Variants in LMNTD1 observed in about 807,000 individuals in gnomAD.
The protein encoded by LMNTD1 is lamin tail domain-containing protein 1.
LMNTD1 carries 35 observed loss-of-function variants against 50.9 expected under a neutral mutation model. The observed-to-expected ratio is 0.69, with a 90% CI of 0.53 to 0.91. The LOEUF (loss-of-function observed/expected upper bound fraction) is 0.91. LMNTD1 is among the 40% of genes least tolerant of loss of function. LMNTD1 has a pLI of 0.00. For synonymous variants in LMNTD1, 153 were observed against 161.9 expected (o/e 0.94, Z 0.42); for missense variants, 470 against 475.5 (o/e 0.99, Z 0.11).
At chr12:25,510,840 T>C (rs1345210542) in intron 8 of LMNTD1, among the ~76,000 whole-genome samples, 4 of 152,178 alleles carry the variant, frequency 2.6e-5, no homozygotes, top group Non-Finnish European at 5.9e-5. Flanking sequence ...GTACTGAGTT[T>C]GGTGCAAGTG....
intron 9 of LMNTD1, among the ~76,000 whole-genome samples, chr12:25,491,950 T>C (rs1938897000): frequency 6.6e-6 from 1 of 152,208 alleles, no homozygotes; most frequent in Non-Finnish European, 1.5e-5. Flanking sequence ...AATAAGGTGC[T>C]AATTGAGGCA....
At chr12:25,579,818 A>C (rs1945200913) in intron 1 of LMNTD1, among the ~76,000 whole-genome samples, 1 of 151,968 alleles carries the variant, frequency 6.6e-6, no homozygotes, top group South Asian at 2.1e-4. Context: ...TTCTCTTTTC[A>C]ACAATACCGG....
At chr12:25,508,882 T>A (rs1940031831) in intron 8 of LMNTD1, among the ~76,000 whole-genome samples, 1 of 148,368 alleles carries the variant, frequency 6.7e-6, no homozygotes, top group Non-Finnish European at 1.5e-5. Context: ...AAATTCTTTC[T>A]AGTCCTAATA....
At chr12:25,641,847 A>AT (rs1391433832) in intron 1 of LMNTD1, among the ~76,000 whole-genome samples, 6 of 151,676 alleles carry the variant, frequency 4.0e-5, no homozygotes, top group East Asian at 1.9e-4. Flanking sequence ...TCCCATCCTA[A>AT]TTTTTTTTCA....
intron 1 of LMNTD1, among the ~76,000 whole-genome samples, chr12:25,647,535 A>T (rs917973962): frequency 2.1e-4 from 32 of 152,184 alleles, no homozygotes; most frequent in Admixed American, 2.0e-3. Flanking sequence ...AAATTTCTAT[A>T]ATCCAGCACA....
chr12:25,648,201 T>C (rs2136642447), intron 1 of LMNTD1, among the ~76,000 whole-genome samples: 1 of 152,350 alleles, frequency 6.6e-6, no homozygotes, highest in East Asian at 1.9e-4. Flanking sequence ...TTCTTGTTTA[T>C]TCTATACATA....
chr12:25,558,185 T>C (rs1191543124), upstream of LMNTD1, among the ~76,000 whole-genome samples: 1 of 152,248 alleles, frequency 6.6e-6, no homozygotes, highest in Non-Finnish European at 1.5e-5. Context: ...ATTCTTAGTC[T>C]GGCTAAAGGT....
Position 25,553,195 on chromosome 12 carries a change from A to G in LMNTD1, c.-157T>C. ...TAGCCAATCCTGATCTTGGCTAAGGATGTCGGACAAACCATGGTGCAGGTG... is the reference window on the plus strand; with the variant it reads ...TAGCCAATCCTGATCTTGGCTAAGGGTGTCGGACAAACCATGGTGCAGGTG... On this transcript the variant is annotated 5_prime_UTR_variant, in exon 1 of 10. Transcript: ENST00000458174. The G allele has an allele frequency of 6.3e-7, 1 of 1,583,836 alleles. No homozygotes were observed. Among genetic ancestry groups the G allele is most frequent in the Non-Finnish European group, 8.6e-7 (1 of 1,167,736 alleles).
intron 4 of LMNTD1, among the ~76,000 whole-genome samples, chr12:25,535,643 A>G (rs533830355): frequency 5.3e-5 from 8 of 152,126 alleles, no homozygotes; most frequent in Non-Finnish European, 1.0e-4. Flanking sequence ...GTAGTAGAGC[A>G]AGATCTTGAA....
intron 1 of LMNTD1, among the ~76,000 whole-genome samples, chr12:25,580,477 G>A (rs1378374808): frequency 6.6e-6 from 1 of 152,008 alleles, no homozygotes; most frequent in African/African-American, 2.4e-5. Flanking sequence ...ATGATGCTAC[G>A]AGATTAAGGG....
chr12:25,512,473 G>A lies in LMNTD1; in HGVS notation c.1189+6322C>T, dbSNP rs181826154. Among the ~76,000 whole-genome samples, 911 of 152,116 alleles carry A rather than the reference G, an allele frequency of 6.0e-3. 7 individuals carry two copies. The highest frequency in any genetic ancestry group is 0.014 in the Middle Eastern group (4 of 292). Reference sequence around the variant, plus strand: ...GACAATGTATTAATATTTTTCATTTGGGGAAGTGGGTAGAGAAGTGTCTTT... The same window carrying A: ...GACAATGTATTAATATTTTTCATTTAGGGAAGTGGGTAGAGAAGTGTCTTT... On this transcript the variant is annotated intron_variant, in intron 8 of 9. Transcript: ENST00000458174.
chr12:25,552,564 G>A (rs894678944), intron 2 of LMNTD1, among the ~76,000 whole-genome samples: 10 of 110,484 alleles, frequency 9.1e-5, no homozygotes, highest in South Asian at 3.6e-4. Flanking sequence ...CCAAGATCGC[G>A]CCACTGCACT....
chr12:25,615,024 C>T (rs1412772965), intron 1 of LMNTD1, among the ~76,000 whole-genome samples: 1 of 152,010 alleles, frequency 6.6e-6, no homozygotes, highest in Non-Finnish European at 1.5e-5. Flanking sequence ...TTGTTGAGAC[C>T]CTATCTGCAT....
At chr12:25,537,559 A>G (rs1005044463) in intron 4 of LMNTD1, among the ~76,000 whole-genome samples, 2 of 152,044 alleles carry the variant, frequency 1.3e-5, no homozygotes, top group African/African-American at 4.8e-5. Flanking sequence ...CATCCACACC[A>G]AAAACCCATC....
intron 1 of LMNTD1, among the ~76,000 whole-genome samples, chr12:25,620,442 G>GT (rs1270494596): frequency 1.3e-5 from 2 of 151,512 alleles, no homozygotes; most frequent in Non-Finnish European, 2.9e-5. Flanking sequence ...TAAATTTCTA[G>GT]TTTCTTTTTT....
chr12:25,516,424 T>G (rs907276354), intron 8 of LMNTD1, among the ~76,000 whole-genome samples: 1 of 152,176 alleles, frequency 6.6e-6, no homozygotes, highest in Non-Finnish European at 1.5e-5. Context: ...ATCAAATTTC[T>G]CTGGAAAATA....
chr12:25,519,402 C>A (rs1428049283), intron 7 of LMNTD1, among the ~76,000 whole-genome samples: 1 of 150,014 alleles, frequency 6.7e-6, no homozygotes, highest in Non-Finnish European at 1.5e-5. Context: ...CTGGCTAACA[C>A]GGTGAAACCC....
chr12:25,488,185 G>T (rs1416645408), intron 9 of LMNTD1, among the ~76,000 whole-genome samples: 1 of 141,172 alleles, frequency 7.1e-6, no homozygotes, highest in East Asian at 2.1e-4. Context: ...GGCCTGCCTT[G>T]CTAGATTGGG....
chr12:25,614,625 G>A (rs1320415959), intron 1 of LMNTD1, among the ~76,000 whole-genome samples: 3 of 152,150 alleles, frequency 2.0e-5, no homozygotes, highest in South Asian at 2.1e-4. Context: ...TGTTAACAGA[G>A]GTTAACTGCG....
Sources: gnomAD v4.1 joint callset for allele counts (sites outside exome capture counted in the v4.1 genomes callset) on GRCh38, gnomAD v4.1.1 for gene constraint, MANE v1.5 for transcripts, NCBI Gene and HGNC (gene_info 2026-07-23, HGNC 2026-07-21) for gene names.